Variants in CACNA1H observed in about 807,000 individuals in gnomAD.
The protein encoded by CACNA1H is calcium voltage-gated channel subunit alpha1 H.
Under a neutral mutation model 192.5 loss-of-function variants are expected in CACNA1H, and 149 were observed. The observed-to-expected ratio is 0.77, with a 90% CI of 0.68 to 0.89. The LOEUF is 0.89. Among genes scored for constraint, CACNA1H ranks in the 40% least tolerant of loss-of-function variants. The pLI, the probability that CACNA1H is intolerant of heterozygous loss-of-function variation, is 0.00. For synonymous variants in CACNA1H, 2,202 were observed against 1,475.2 expected (o/e 1.49, Z -11.29); for missense variants, 4,257 against 3,423.5 (o/e 1.24, Z -6.08).
At chr16:1,168,431 G>A (rs981346624) in intron 2 of CACNA1H, among the ~76,000 whole-genome samples, 19 of 152,114 alleles carry the variant, frequency 1.2e-4, no homozygotes, top group African/African-American at 4.6e-4. Context: ...CAGGCGGGGA[G>A]GCTGCTGGAC....
chr16:1,155,110 C>T (rs549604605), intron 2 of CACNA1H, among the ~76,000 whole-genome samples: 3 of 152,368 alleles, frequency 2.0e-5, no homozygotes, highest in South Asian at 4.1e-4. Flanking sequence ...AAATATTAAA[C>T]ACGAAAGAGG....
chr16:1,169,620 C>T (rs1261061121), intron 2 of CACNA1H, among the ~76,000 whole-genome samples: 2 of 152,240 alleles, frequency 1.3e-5, no homozygotes, highest in African/African-American at 4.8e-5. Flanking sequence ...AGCCGGCTCC[C>T]GGGCTCCCGG....
chr16:1,185,210 T>A (rs1413723351), intron 2 of CACNA1H, among the ~76,000 whole-genome samples: 2 of 152,162 alleles, frequency 1.3e-5, no homozygotes, highest in Non-Finnish European at 2.9e-5. Context: ...TGAGTAATAT[T>A]CCAGCGTGTG....
At chr16:1,160,484 C>G (rs979187992) in intron 2 of CACNA1H, among the ~76,000 whole-genome samples, 1 of 152,276 alleles carries the variant, frequency 6.6e-6, no homozygotes, top group East Asian at 1.9e-4. Flanking sequence ...AGCCCCTGCC[C>G]GGCTCAGGAG....
chr16:1,211,673 C>G, intron 23 of CACNA1H, 43 bp from the exon 24 acceptor site: 1 of 1,611,140 alleles, frequency 6.2e-7, no homozygotes, highest in Non-Finnish European at 8.5e-7. Context: ...GGCCGGCGAC[C>G]CCAGCTCTAA....
rs145179717 is a variant in CACNA1H, at chr16:1,165,697, T to G, written c.299+11661T>G. 1.9e-3 allele frequency among the ~76,000 whole-genome samples: 287 copies of G among 152,232 alleles called. 2 individuals are homozygous for G. Among genetic ancestry groups the G allele is most frequent in the South Asian group, 6.8e-3 (33 of 4,828 alleles). ...ACGCTGGGGTCACCCCTCCTGAGGA[T>G]GTAGAGGGGCTGCCTCCCTGCCCCC... is the stretch of plus-strand genomic sequence containing the variant. On this transcript the variant is annotated intron_variant, in intron 2 of 34. Transcript: ENST00000348261.
At chr16:1,165,729 G>A (rs1050498534) in intron 2 of CACNA1H, among the ~76,000 whole-genome samples, 1 of 152,200 alleles carries the variant, frequency 6.6e-6, no homozygotes, top group East Asian at 1.9e-4. Context: ...CCCCACCCCG[G>A]CTCACAGTGC....
rs769283823 is a variant in CACNA1H, at chr16:1,217,959, C to T, written c.5364C>T (p.His1788=). ...ACCCCTGCGAGGGCCTGAGCAGGCA[C>T]GCCACCTTCAGCAACTTCGGCATGG... ...EDNPCEGLSR[H]ATFSNFGMAF... The change falls in exon 32 of 35, where the codon CAC becomes CAT. Residue 1788 remains histidine, a synonymous_variant. Transcript: ENST00000348261. 57 of 1,605,686 alleles carry T rather than the reference C, an allele frequency of 3.5e-5. No individual in the cohort carries two copies. In the East Asian group the frequency reaches 5.2e-4, roughly 15 times the overall value.
In CACNA1H at chr16:1,167,158, G is replaced by A. The variant is rs1422809919; in HGVS notation, c.299+13122G>A. ...CCTTCCTTTCCTCGCCGACCCTTTGGGGCGTCTCCCATCGGGAAATGGCAG... is the reference window on the plus strand; with the variant it reads ...CCTTCCTTTCCTCGCCGACCCTTTGAGGCGTCTCCCATCGGGAAATGGCAG... On this transcript the variant is annotated intron_variant, in intron 2 of 34. Coordinates refer to ENST00000348261, the MANE Select transcript of CACNA1H (RefSeq NM_021098.3). This position sits in a 1 kb window ranked among gnomAD's most constrained non-coding sequence, Gnocchi z 4.2. 2.6e-5 allele frequency among the ~76,000 whole-genome samples: 4 copies of A among 152,178 alleles called. No individual in the cohort carries two copies. Among genetic ancestry groups the A allele is most frequent in the Non-Finnish European group, 5.9e-5 (4 of 68,026 alleles).
chr16:1,220,755 G>T lies in CACNA1H; in HGVS notation c.6823G>T (p.Val2275Phe), dbSNP rs1970422245. The change falls in exon 35 of 35, where the codon GTC (valine) becomes TTC (phenylalanine). Residue 2275 changes from valine (V) to phenylalanine (F), a missense_variant. Coordinates refer to ENST00000348261, the MANE Select transcript of CACNA1H (RefSeq NM_021098.3). The part of the protein sequence containing the change: ...SFAFEPLDLG[V>F]PSGDPFLDGS... ...TGCCTTTGAGCCGCTGGACCTCGGGGTCCCCAGTGGAGACCCTTTCTTGGA... is the reference window on the plus strand; with the variant it reads ...TGCCTTTGAGCCGCTGGACCTCGGGTTCCCCAGTGGAGACCCTTTCTTGGA... 1.2e-6 allele frequency: 2 copies of T among 1,612,594 alleles called. No homozygotes were observed. The highest frequency in any genetic ancestry group is 2.2e-5 in the East Asian group (1 of 44,834).
At chr16:1,192,135 C>T (rs1966678581) in intron 2 of CACNA1H, among the ~76,000 whole-genome samples, 1 of 152,222 alleles carries the variant, frequency 6.6e-6, no homozygotes, top group Non-Finnish European at 1.5e-5. Flanking sequence ...GAAAAGACAG[C>T]ACCCCATCCC....
Position 1,210,944 on chromosome 16 carries a change from G to A in CACNA1H, c.4196G>A (p.Arg1399His), listed in dbSNP as rs1457901172. The A allele has an allele frequency of 4.4e-6, 7 of 1,600,196 alleles. No individual in the cohort carries two copies. Among genetic ancestry groups the A allele is most frequent in the Middle Eastern group, 2.0e-4 (1 of 4,976 alleles). Reference sequence around the variant, plus strand: ...ATCCTGGGTGTTCTGCGCGTGCTGCGTCTGCTGCGGACCCTGCGGCCTCTG... The same window carrying A: ...ATCCTGGGTGTTCTGCGCGTGCTGCATCTGCTGCGGACCCTGCGGCCTCTG... ...AKILGVLRVLRLLRTLRPLRV... is the reference protein window; with the variant it reads ...AKILGVLRVLHLLRTLRPLRV... Residue 1399 changes from arginine (R) to histidine (H), a missense_variant, in exon 21 of 35, where the codon CGT (arginine) becomes CAT (histidine). By Grantham distance (29) the Arg-to-His change is conservative (BLOSUM62 0). Coordinates refer to ENST00000348261, the MANE Select transcript of CACNA1H (RefSeq NM_021098.3).
At chr16:1,187,370 A>C (rs1344022156) in intron 2 of CACNA1H, among the ~76,000 whole-genome samples, 1 of 152,184 alleles carries the variant, frequency 6.6e-6, no homozygotes, top group Non-Finnish European at 1.5e-5. Context: ...CTGTGACCTC[A>C]GCTGCAGTCT....
chr16:1,158,094 T>C (rs1962672209), intron 2 of CACNA1H: 1 of 152,312 alleles, frequency 6.6e-6, no homozygotes, highest in Non-Finnish European at 1.5e-5. Flanking sequence ...CATTGCAGTG[T>C]TCCTGGGACA....
At chr16:1,172,667 C>T (rs901740477) in intron 2 of CACNA1H, among the ~76,000 whole-genome samples, 1 of 152,204 alleles carries the variant, frequency 6.6e-6, no homozygotes, top group Non-Finnish European at 1.5e-5. Context: ...AACCGGCTTC[C>T]TGTAGCCACA....
rs1416345519 is a variant in CACNA1H, at chr16:1,221,729, G to A, written c.*735G>A. The A allele has an allele frequency of 6.9e-7, 1 of 1,456,350 alleles. No homozygotes were observed. The highest frequency in any genetic ancestry group is 2.3e-5 in the East Asian group (1 of 42,606). 90.2% of individuals were successfully genotyped at this position (1,456,350 alleles called of 1,614,324 possible). On this transcript the variant is annotated 3_prime_UTR_variant, in exon 35 of 35. Coordinates refer to ENST00000348261, the MANE Select transcript of CACNA1H (RefSeq NM_021098.3). ...AAGACTCAGCTTCTCAAGGGAGAGGGAGGGGGCGGAGCGGAATAAATAGTA... is the reference window on the plus strand; with the variant it reads ...AAGACTCAGCTTCTCAAGGGAGAGGAAGGGGGCGGAGCGGAATAAATAGTA...
At chr16:1,215,686 C>G in intron 30 of CACNA1H, 93 bp downstream of exon 30, 1 of 986,598 alleles carries the variant, frequency 1.0e-6, no homozygotes, top group Non-Finnish European at 1.5e-6. Context: ...TCACTCGTTT[C>G]TCTGGTCCCT....
intron 2 of CACNA1H, among the ~76,000 whole-genome samples, chr16:1,188,769 G>C (rs769098589): frequency 6.6e-6 from 1 of 152,152 alleles, no homozygotes; most frequent in Non-Finnish European, 1.5e-5. Flanking sequence ...TGTGTTTCCG[G>C]CCAGGAGGCC....
chr16:1,206,737 A>G (rs893632041), intron 12 of CACNA1H: 2 of 487,254 alleles, frequency 4.1e-6, no homozygotes, highest in Admixed American at 6.9e-5. Context: ...TTGCCACCCA[A>G]ATCCAGAGTG....
Sources: allele counts gnomAD v4.1 joint callset (sites outside exome capture counted in the v4.1 genomes callset), GRCh38; gene constraint gnomAD v4.1.1; non-coding constraint Gnocchi (gnomAD v3.1); transcripts MANE v1.5; gene names NCBI Gene and HGNC (gene_info 2026-07-23, HGNC 2026-07-21).